Variants in F8 observed in about 807,000 individuals in gnomAD.
F8 encodes coagulation factor VIII, also known as antihemophilic factor.
A neutral mutation model predicts 140.6 loss-of-function variants in F8; 12 were observed. The ratio of observed to expected loss-of-function variants is 0.09; its 90% CI spans 0.05 to 0.14. The LOEUF (loss-of-function observed/expected upper bound fraction) is 0.14. Among genes scored for constraint, F8 ranks in the 10% least tolerant of loss-of-function variants. The pLI, the probability that F8 is intolerant of heterozygous loss-of-function variation, is 1.00. For missense variants in F8, 1,354 were observed against 1,720.7 expected (o/e 0.79, Z 3.77); for synonymous variants, 585 against 614.6 (o/e 0.95, Z 0.71).
intron 25 of F8, among the ~76,000 whole-genome samples, chrX:154,844,625 T>A (rs1246315180): frequency 9.0e-6 from 1 of 111,291 alleles, no homozygotes; most frequent in Non-Finnish European, 1.9e-5. Flanking sequence ...TGCTTGTGAT[T>A]TTTGCACATT....
In F8 at chrX:154,876,213, G is replaced by A. The variant is rs182044601; in HGVS notation, c.6430-12986C>T. Among the ~76,000 whole-genome samples the A allele has an allele frequency of 7.4e-3, 776 of 104,538 alleles. 12 individuals carry two copies. Among genetic ancestry groups the A allele is most frequent in the African/African-American group, 0.025 (705 of 28,048 alleles). The allele number at this position is 104,538 out of a possible 115,157, so 90.8% of individuals were successfully genotyped here. The stretch of plus-strand genomic sequence containing the variant: ...CGGCTCACTGCAAGCTCCGCCTCCC[G>A]GGTTCACGCCATTCTCTTGCCTCAG... On this transcript the variant is annotated intron_variant, in intron 22 of 25. Coordinates refer to ENST00000360256, the MANE Select transcript of F8 (RefSeq NM_000132.4).
At chrX:155,012,120 A>G (rs1258366801) in intron 1 of F8, among the ~76,000 whole-genome samples, 1 of 112,371 alleles carries the variant, frequency 8.9e-6, no homozygotes, top group Non-Finnish European at 1.9e-5. Context: ...TGAATTGTAC[A>G]CTTTCAAATG....
chrX:154,838,636 G>A (rs969761842), intron 25 of F8, among the ~76,000 whole-genome samples: 9 of 111,878 alleles, frequency 8.0e-5, no homozygotes, highest in African/African-American at 2.9e-4. Flanking sequence ...TGGTTAAACA[G>A]CAACAGTAGG....
At chrX:154,973,941 A>T (rs1317869419) in intron 6 of F8, among the ~76,000 whole-genome samples, 1 of 109,574 alleles carries the variant, frequency 9.1e-6, no homozygotes, top group Non-Finnish European at 1.9e-5. Flanking sequence ...GGACTACAGG[A>T]GCGCACCACC....
chrX:154,977,808 G>A (rs781816345), intron 6 of F8, among the ~76,000 whole-genome samples: 42 of 110,239 alleles, frequency 3.8e-4, no homozygotes, highest in Admixed American at 1.5e-3. Context: ...TCTCTTGGTA[G>A]ACTTGGAAAT....
chrX:155,017,400 A>G (rs1267349757), intron 1 of F8, among the ~76,000 whole-genome samples: 2 of 112,626 alleles, frequency 1.8e-5, no homozygotes, highest in Non-Finnish European at 3.8e-5. Context: ...CATTTGATGT[A>G]GTTTGTTACA....
In F8 at chrX:154,999,665, G is replaced by T; in HGVS notation, c.144-65C>A. On this transcript the variant is annotated intron_variant, in intron 1 of 25. Coordinates refer to ENST00000360256, the MANE Select transcript of F8 (RefSeq NM_000132.4). Reference sequence around the variant, plus strand: ...ACTTCAAAAAGCAGCTGGAAGTAATGCTTCCATACTACTCTTTTCTACTAT... The same window carrying T: ...ACTTCAAAAAGCAGCTGGAAGTAATTCTTCCATACTACTCTTTTCTACTAT... 4 of 1,137,774 alleles carry T rather than the reference G, an allele frequency of 3.5e-6. No individual in the cohort carries two copies. The South Asian group carries it at 7.2e-5, about 21-fold the overall frequency. The allele number at this position is 1,137,774 out of a possible 1,213,427, so 93.8% of individuals were successfully genotyped here.
chrX:154,846,080 A>T (rs1260517801), intron 25 of F8, among the ~76,000 whole-genome samples: 4 of 112,284 alleles, frequency 3.6e-5, no homozygotes, highest in Non-Finnish European at 7.5e-5. Context: ...CAGGTTGTTC[A>T]GTTTCCATGT....
intron 1 of F8, among the ~76,000 whole-genome samples, chrX:155,019,873 A>G (rs1430134748): frequency 1.8e-5 from 2 of 111,856 alleles, no homozygotes; most frequent in Non-Finnish European, 3.8e-5. Flanking sequence ...GAAATAGGAG[A>G]AAACTATCTT....
At chrX:154,874,028 A>T (rs1249471566) in intron 22 of F8, among the ~76,000 whole-genome samples, 1 of 112,781 alleles carries the variant, frequency 8.9e-6, no homozygotes, top group Non-Finnish European at 1.9e-5. Flanking sequence ...ACAGCAAAAG[A>T]AATAATCAAC....
Position 154,911,260 on chromosome X carries a change from G to A in F8, c.5220-4687C>T, listed in dbSNP as rs900867571. Among the ~76,000 whole-genome samples, 10 of 107,686 alleles carry A rather than the reference G, an allele frequency of 9.3e-5. No homozygotes were observed. The East Asian group carries it at 2.4e-3, about 25-fold the overall frequency. 93.5% of individuals were successfully genotyped at this position (107,686 alleles called of 115,157 possible). On this transcript the variant is annotated intron_variant, in intron 14 of 25. Transcript: ENST00000360256. ...TTCTCAGTCTCTCGTCCCACCTGAC[G>A]AGAAACACCCACAGTGTTTCTCGTC...
At chrX:154,969,598 T>C in intron 6 of F8, 46 bp from the exon 7 acceptor site, 1 of 1,096,584 alleles carries the variant, frequency 9.1e-7, no homozygotes, top group Non-Finnish European at 1.3e-6. Context: ...GTAGAGAATC[T>C]GAAATGGAAA....
chrX:155,013,723 A>G (rs1340704139), intron 1 of F8, among the ~76,000 whole-genome samples: 2 of 111,925 alleles, frequency 1.8e-5, no homozygotes, highest in African/African-American at 6.5e-5. Context: ...GGGTGACTTA[A>G]ACAACAGAAA....
chrX:154,926,835 T>G (rs1444297933), intron 14 of F8, among the ~76,000 whole-genome samples: 2 of 112,041 alleles, frequency 1.8e-5, no homozygotes, highest in Non-Finnish European at 3.8e-5. Flanking sequence ...GATATTCAAC[T>G]GGAATTATCT....
chrX:154,846,193 G>A (rs1202600316), intron 25 of F8, among the ~76,000 whole-genome samples: 1 of 112,030 alleles, frequency 8.9e-6, no homozygotes, highest in African/African-American at 3.3e-5. Context: ...TACATTTGCT[G>A]AGGAGTGCTT....
chrX:154,937,083 G>A (rs781855660), intron 13 of F8, among the ~76,000 whole-genome samples: 38 of 110,912 alleles, frequency 3.4e-4, no homozygotes, highest in African/African-American at 1.1e-3. Context: ...GTATATAAAG[G>A]GAAATTTATG....
chrX:154,845,550 T>C (rs1180549223), intron 25 of F8, among the ~76,000 whole-genome samples: 115 of 112,396 alleles, frequency 1.0e-3, no homozygotes, highest in Non-Finnish European at 1.8e-3. Flanking sequence ...AATTTATCCA[T>C]TTCTTCTAGA....
At chrX:154,912,602 A>G (rs1247070244) in intron 14 of F8, among the ~76,000 whole-genome samples, 3 of 112,144 alleles carry the variant, frequency 2.7e-5, no homozygotes, top group Admixed American at 9.4e-5. Flanking sequence ...TGGTTACTAC[A>G]GCTTTGTAGT....
chrX:154,859,900 G>T (rs2072677234), intron 25 of F8, among the ~76,000 whole-genome samples: 1 of 111,638 alleles, frequency 9.0e-6, no homozygotes, highest in South Asian at 3.8e-4. Context: ...TATAATGGCT[G>T]TATTTAGTGA....
Sources: allele counts gnomAD v4.1 joint callset (sites outside exome capture counted in the v4.1 genomes callset), GRCh38; gene constraint gnomAD v4.1.1; transcripts MANE v1.5; gene names NCBI Gene and HGNC (gene_info 2026-07-23, HGNC 2026-07-21).